MDFI: variants seen among roughly 807,000 people sequenced by gnomAD.
MDFI encodes the protein inhibitor of MyoD family a.
In MDFI, 16 loss-of-function variants were observed where a neutral mutation model predicts 22.3. That is an observed-to-expected ratio of 0.72 (90% confidence interval 0.49 to 1.09). The LOEUF (loss-of-function observed/expected upper bound fraction) is 1.09. Among genes scored for constraint, MDFI ranks in the 50% least tolerant of loss-of-function variants. The pLI, the probability that MDFI is intolerant of heterozygous loss-of-function variation, is 0.00. For missense variants in MDFI, 314 were observed against 326.1 expected, an observed-to-expected ratio of 0.96 and a Z score of 0.29; for synonymous variants, 145 against 142.7, an observed-to-expected ratio of 1.02 and a Z score of -0.12.
intron 4 of MDFI, among the ~76,000 whole-genome samples, chr6:41,651,082 C>A (rs939993050): frequency 9.9e-5 from 15 of 151,574 alleles, no homozygotes; most frequent in African/African-American, 3.6e-4. Flanking sequence ...CGGTGGGCGC[C>A]TGTAATCCCA....
chr6:41,648,464 G>A (rs551684354), intron 3 of MDFI, among the ~76,000 whole-genome samples: 4 of 152,256 alleles, frequency 2.6e-5, no homozygotes, highest in East Asian at 1.9e-4. Flanking sequence ...TGGAAGACCC[G>A]GCCTCTTCAG....
At position 41,654,135 on chromosome 6, in the gene MDFI, G is replaced by A. The variant is rs1768392662; in HGVS notation, c.*560G>A. ...AGGGCAGGGCTAGGCGAGAGCCTGGGGTGGGGCGGGAGGGGGAACAGTATG... is the reference window on the plus strand; with the variant it reads ...AGGGCAGGGCTAGGCGAGAGCCTGGAGTGGGGCGGGAGGGGGAACAGTATG... On this transcript the variant is annotated 3_prime_UTR_variant, in exon 5 of 5. Transcript: ENST00000230321. 1 of 167,824 alleles carries A rather than the reference G, an allele frequency of 6.0e-6. No homozygotes were observed. The highest frequency in any genetic ancestry group is 1.3e-5 in the Non-Finnish European group (1 of 75,468). The allele number at this position is 167,824 out of a possible 1,614,324, so 10.4% of individuals were successfully genotyped here. A position where few individuals can be genotyped will look rare whatever the true frequency, so the allele number is the denominator to read the frequency against.
Position 41,638,524 on chromosome 6 carries a change from A to T in MDFI, c.-140A>T. ...CCGAAATGGGAGAAAGCAGCGAGTG[A>T]GAGGGGAAGGGGCGCCAGGCGAGCA... is the stretch of plus-strand genomic sequence containing the variant. On this transcript the variant is annotated 5_prime_UTR_variant, in exon 1 of 5. An upstream open reading frame in the 5' UTR loses its in-frame stop. Coordinates refer to ENST00000230321, the MANE Select transcript of MDFI (RefSeq NM_005586.4). The surrounding 1 kb of genome is among the most constrained non-coding windows in gnomAD (Gnocchi z 7.6). 1.9e-6 allele frequency: 1 copy of T among 536,462 alleles called. No homozygotes were observed. Among genetic ancestry groups the T allele is most frequent in the Non-Finnish European group, 3.3e-6 (1 of 307,300 alleles). The allele number at this position is 536,462 out of a possible 1,614,324, so 33.2% of individuals were successfully genotyped here.
intron 3 of MDFI, among the ~76,000 whole-genome samples, chr6:41,646,630 G>A (rs1165344535): frequency 6.6e-6 from 1 of 152,176 alleles, no homozygotes; most frequent in Non-Finnish European, 1.5e-5. Context: ...AGGGAGCCAG[G>A]GCCTGATGCA....
At chr6:41,647,797 C>T (rs926449917) in intron 3 of MDFI, among the ~76,000 whole-genome samples, 2 of 151,998 alleles carry the variant, frequency 1.3e-5, no homozygotes. Context: ...AATCCCAGCA[C>T]TCTGGGAGGC....
intron 3 of MDFI, among the ~76,000 whole-genome samples, chr6:41,647,443 G>T (rs1379482977): frequency 6.6e-6 from 1 of 152,242 alleles, no homozygotes; most frequent in African/African-American, 2.4e-5. Flanking sequence ...ACTTGGCCCA[G>T]TCACCCTGTG....
intron 2 of MDFI, among the ~76,000 whole-genome samples, 195 bp downstream of exon 2, chr6:41,639,020 G>A (rs901863664): frequency 5.9e-5 from 9 of 152,218 alleles, no homozygotes; most frequent in African/African-American, 2.2e-4. Context: ...GCAGGGCCCT[G>A]AACAGAGGCT....
intron 2 of MDFI, among the ~76,000 whole-genome samples, chr6:41,640,624 C>G (rs1053451610): frequency 1.3e-5 from 2 of 152,390 alleles, no homozygotes; most frequent in African/African-American, 4.8e-5. Flanking sequence ...ATCCCCCACG[C>G]TTTACTCCCT....
At chr6:41,648,065 AAAG>A (rs1561832656) in intron 3 of MDFI, among the ~76,000 whole-genome samples, 1 of 150,692 alleles carries the variant, frequency 6.6e-6, no homozygotes, top group Non-Finnish European at 1.5e-5. Context: ...AAAAAAAAAA[AAAG>A]AAGCTGCTCC....
chr6:41,639,807 C>T (rs1767781178), intron 2 of MDFI: 4 of 985,478 alleles, frequency 4.1e-6, no homozygotes, highest in Non-Finnish European at 4.8e-6. Context: ...CACGAACTCC[C>T]TGCCTTGCCT....
Position 41,649,642 on chromosome 6 carries a change from G to A in MDFI, c.283G>A (p.Gly95Ser), listed in dbSNP as rs776535874. Residue 95 changes from glycine to serine, a missense_variant, in exon 4 of 5, where the codon GGC (glycine) becomes AGC (serine). Coordinates refer to ENST00000230321, the MANE Select transcript of MDFI (RefSeq NM_005586.4). ...AGGCCAGCCTCAGGGGAACCCCTTGGGCTGCACCCCACTTCTGCCGAATGA... is the reference window on the plus strand; with the variant it reads ...AGGCCAGCCTCAGGGGAACCCCTTGAGCTGCACCCCACTTCTGCCGAATGA... ...VTCQPQGNPL[G>S]CTPLLPNDSG... 3.1e-6 allele frequency: 5 copies of A among 1,609,982 alleles called. No individual in the cohort carries two copies. Among genetic ancestry groups the A allele is most frequent in the Non-Finnish European group, 4.2e-6 (5 of 1,177,618 alleles).
Position 41,638,815 on chromosome 6 carries a change from C to T in MDFI, c.66C>T (p.Ala22=). ...CDAPYGAPSA[A]PGPAQTLSLL... ...CGCCCTATGGAGCCCCCAGCGCAGCCCCGGGCCCAGGTAGGACCGGGAGTG... is the reference window on the plus strand; with the variant it reads ...CGCCCTATGGAGCCCCCAGCGCAGCTCCGGGCCCAGGTAGGACCGGGAGTG... Residue 22 remains alanine, a synonymous_variant, in exon 2 of 5, where the codon GCC becomes GCT. Transcript: ENST00000230321. This position sits in a 1 kb window ranked among gnomAD's most constrained non-coding sequence, Gnocchi z 7.6. The T allele has an allele frequency of 6.4e-7, 1 of 1,559,248 alleles. No individual in the cohort carries two copies. The highest frequency in any genetic ancestry group is 2.3e-5 in the East Asian group (1 of 42,672).
intron 4 of MDFI, among the ~76,000 whole-genome samples, chr6:41,651,393 T>C (rs1768266769): frequency 6.7e-6 from 1 of 148,412 alleles, no homozygotes; most frequent in Admixed American, 6.7e-5. Context: ...GGCTTGGAGG[T>C]GATGTCTGAA....
At chr6:41,639,311 C>G in intron 2 of MDFI, 1 of 985,424 alleles carries the variant, frequency 1.0e-6, no homozygotes, top group Non-Finnish European at 1.2e-6. Context: ...AGCCCCTCCC[C>G]TCTTTCTTGC....
chr6:41,650,720 C>T (rs566768507), intron 4 of MDFI, among the ~76,000 whole-genome samples: 5 of 151,958 alleles, frequency 3.3e-5, no homozygotes, highest in Admixed American at 6.5e-5. Flanking sequence ...ACTACAGGCG[C>T]GTCCCACCAC....
At chr6:41,640,368 AGGG>A in intron 2 of MDFI, among the ~76,000 whole-genome samples, 1 of 152,088 alleles carries the variant, frequency 6.6e-6, no homozygotes, top group East Asian at 1.9e-4. Context: ...GCAAGAGGAG[AGGG>A]CTAACTGCAC....
At chr6:41,644,434 C>T (rs534606741) in intron 2 of MDFI, among the ~76,000 whole-genome samples, 4 of 152,162 alleles carry the variant, frequency 2.6e-5, no homozygotes, top group Non-Finnish European at 5.9e-5. Context: ...GAGAGCATGC[C>T]TGCTGGGCCT....
chr6:41,639,502 TTTG>T (rs945537241), intron 2 of MDFI: 1 of 985,148 alleles, frequency 1.0e-6, no homozygotes. Context: ...CCAAGTACGG[TTTG>T]TGACTCCCTG....
intron 4 of MDFI, among the ~76,000 whole-genome samples, chr6:41,651,743 G>A (rs936239174): frequency 6.6e-6 from 1 of 152,080 alleles, no homozygotes; most frequent in Non-Finnish European, 1.5e-5. Flanking sequence ...CTCCCAGGGG[G>A]CCCCCTGGCC....
Sources: gnomAD v4.1 joint callset for allele counts (sites outside exome capture counted in the v4.1 genomes callset) on GRCh38, gnomAD v4.1.1 for gene constraint, Gnocchi (gnomAD v3.1) non-coding constraint, MANE v1.5 for transcripts, NCBI Gene and HGNC (gene_info 2026-07-23, HGNC 2026-07-21) for gene names.